The following UNC5D variants were observed in gnomAD, a reference collection of about 807,000 sequenced individuals.
UNC5D encodes the protein unc-5 netrin receptor D, also known as netrin receptor UNC5D.
A neutral mutation model predicts 105.4 loss-of-function variants in UNC5D; 39 were observed. The ratio of observed to expected loss-of-function variants is 0.37; its 90% confidence interval spans 0.29 to 0.48. The LOEUF (loss-of-function observed/expected upper bound fraction) is 0.48. Ranked by LOEUF, UNC5D falls within the 20% of genes least tolerant of loss-of-function variation. UNC5D has a pLI of 0.98. For missense variants in UNC5D, 991 were observed against 1,202.4 expected (o/e 0.82, Z 2.60); for synonymous variants, 452 against 450.4 (o/e 1.00, Z -0.04).
At chr8:35,563,733 A>T (rs1817126779) in intron 2 of UNC5D, among the ~76,000 whole-genome samples, 1 of 152,110 alleles carries the variant, frequency 6.6e-6, no homozygotes, top group Non-Finnish European at 1.5e-5. Context: ...TTTGTTCAGT[A>T]GGTTGTTAGC....
chr8:35,308,793 A>G (rs1174397061), intron 1 of UNC5D, among the ~76,000 whole-genome samples: 1 of 152,158 alleles, frequency 6.6e-6, no homozygotes, highest in Non-Finnish European at 1.5e-5. Flanking sequence ...TTCAACTGTT[A>G]TTGACTATCT....
intron 1 of UNC5D, among the ~76,000 whole-genome samples, chr8:35,346,991 A>G (rs552634434): frequency 1.3e-5 from 2 of 152,174 alleles, no homozygotes; most frequent in African/African-American, 4.8e-5. Flanking sequence ...GAGTTTATAC[A>G]TTAAAGCACA....
At chr8:35,574,876 T>G (rs1817987896) in intron 3 of UNC5D, among the ~76,000 whole-genome samples, 1 of 152,134 alleles carries the variant, frequency 6.6e-6, no homozygotes, top group Non-Finnish European at 1.5e-5. Context: ...CTTATCTATT[T>G]TTTTTTTATC....
At chr8:35,415,769 C>T (rs1805487286) in intron 1 of UNC5D, among the ~76,000 whole-genome samples, 1 of 152,072 alleles carries the variant, frequency 6.6e-6, no homozygotes, top group African/African-American at 2.4e-5. Context: ...TTATGAAGAC[C>T]ATGACTTTTC....
chr8:35,772,712 T>C (rs1003232190), intron 15 of UNC5D, among the ~76,000 whole-genome samples: 1 of 152,224 alleles, frequency 6.6e-6, no homozygotes, highest in African/African-American at 2.4e-5. Context: ...ACCACTAATT[T>C]AGAAGCATAA....
chr8:35,714,726 C>G (rs187756761), intron 8 of UNC5D, among the ~76,000 whole-genome samples: 15 of 152,164 alleles, frequency 9.9e-5, no homozygotes, highest in Non-Finnish European at 2.1e-4. Context: ...CAGTTGCAAA[C>G]GACCTTCAAG....
chr8:35,365,590 G>A (rs940278490), intron 1 of UNC5D, among the ~76,000 whole-genome samples: 2 of 16,140 alleles, frequency 1.2e-4, no homozygotes, highest in Non-Finnish European at 2.6e-4. Flanking sequence ...GCCATCCCCT[G>A]CAAAAAAAAA....
intron 4 of UNC5D, among the ~76,000 whole-genome samples, chr8:35,650,651 T>C (rs1405404469): frequency 2.0e-5 from 3 of 152,010 alleles, no homozygotes; most frequent in African/African-American, 7.2e-5. Context: ...TTTGTATTTT[T>C]AATAGAGATG....
chr8:35,236,578 G>C (rs993017129), intron 1 of UNC5D, among the ~76,000 whole-genome samples: 1 of 152,292 alleles, frequency 6.6e-6, no homozygotes, highest in East Asian at 1.9e-4. Flanking sequence ...TTGGAAGCGC[G>C]GGCCCCACCG....
intron 1 of UNC5D, among the ~76,000 whole-genome samples, chr8:35,482,130 C>T (rs929401745): frequency 2.0e-5 from 3 of 152,162 alleles, no homozygotes; most frequent in Admixed American, 6.5e-5. Flanking sequence ...GACTGAATAG[C>T]GAACATCTCT....
intron 4 of UNC5D, among the ~76,000 whole-genome samples, chr8:35,640,582 C>G (rs530645812): frequency 1.8e-4 from 27 of 152,258 alleles, no homozygotes; most frequent in African/African-American, 6.3e-4. Context: ...ACAGACATCT[C>G]CCATTATTAC....
At chr8:35,676,532 G>A (rs1825235926) in intron 4 of UNC5D, among the ~76,000 whole-genome samples, 1 of 152,158 alleles carries the variant, frequency 6.6e-6, no homozygotes, top group Non-Finnish European at 1.5e-5. Context: ...ATCCCATAAT[G>A]CTAATTTGAA....
intron 1 of UNC5D, among the ~76,000 whole-genome samples, chr8:35,385,321 C>T (rs570695703): frequency 6.6e-6 from 1 of 152,154 alleles, no homozygotes; most frequent in South Asian, 2.1e-4. Context: ...AGCTGCCATT[C>T]CGCACACAAA....
At chr8:35,341,452 CT>C (rs1811449941) in intron 1 of UNC5D, among the ~76,000 whole-genome samples, 46 of 145,230 alleles carry the variant, frequency 3.2e-4, no homozygotes. Flanking sequence ...TTTTTTTTTT[CT>C]GTTTTTTTTT....
At chr8:35,444,323 C>T (rs988094937) in intron 1 of UNC5D, among the ~76,000 whole-genome samples, 11 of 152,006 alleles carry the variant, frequency 7.2e-5, no homozygotes, top group Non-Finnish European at 1.0e-4. Flanking sequence ...TTAGTAAGCA[C>T]GTTCAATCTG....
chr8:35,781,164 A>T (rs577079070), intron 16 of UNC5D, among the ~76,000 whole-genome samples: 3 of 152,228 alleles, frequency 2.0e-5, no homozygotes, highest in Admixed American at 2.0e-4. Flanking sequence ...AGCCAGAGGG[A>T]CCCAACACAG....
At chr8:35,398,701 G>A (rs1804253558) in intron 1 of UNC5D, among the ~76,000 whole-genome samples, 2 of 152,060 alleles carry the variant, frequency 1.3e-5, no homozygotes, top group Non-Finnish European at 2.9e-5. Flanking sequence ...AAATGTAGTG[G>A]TGGACTGTTT....
chr8:35,268,210 A>C (rs1805023769), intron 1 of UNC5D, among the ~76,000 whole-genome samples: 1 of 152,172 alleles, frequency 6.6e-6, no homozygotes, highest in Non-Finnish European at 1.5e-5. Context: ...AAAAATATAA[A>C]TTTCAGTATC....
intron 1 of UNC5D, among the ~76,000 whole-genome samples, chr8:35,383,741 T>C (rs1423079925): frequency 6.6e-6 from 1 of 152,160 alleles, no homozygotes; most frequent in Non-Finnish European, 1.5e-5. Flanking sequence ...AATATCCTAA[T>C]TTTTAACATG....
Sources: allele counts gnomAD v4.1 joint callset (sites outside exome capture counted in the v4.1 genomes callset), GRCh38; gene constraint gnomAD v4.1.1; transcripts MANE v1.5; gene names NCBI Gene and HGNC (gene_info 2026-07-23, HGNC 2026-07-21).